Variants in UBE2H observed in about 807,000 individuals in gnomAD.
The protein encoded by UBE2H is ubiquitin conjugating enzyme E2 H.
UBE2H carries 3 observed loss-of-function variants against 29.0 expected under a neutral mutation model. The observed-to-expected ratio is 0.10, with a 90% CI of 0.05 to 0.27. UBE2H has a LOEUF of 0.27. UBE2H is among the 10% of genes least tolerant of loss of function. The pLI is 1.00. For synonymous variants in UBE2H, 69 were observed against 82.9 expected (o/e 0.83, Z 0.91); for missense variants, 68 against 228.2 (o/e 0.30, Z 4.52).
In UBE2H at chr7:129,831,238, T is replaced by C. The variant is rs1021588380; in HGVS notation, c.*3699A>G. The stretch of plus-strand genomic sequence containing the variant: ...TTCGTTGCGCCCAATCAGAGATAGA[T>C]GATTTCATTCAACAAGGCTGGAAGC... On this transcript the variant is annotated 3_prime_UTR_variant, in exon 7 of 7. Coordinates refer to ENST00000355621, the MANE Select transcript of UBE2H (RefSeq NM_003344.4). The C allele has an allele frequency of 9.2e-5, 14 of 152,224 alleles. No homozygotes were observed. Among genetic ancestry groups the C allele is most frequent in the African/African-American group, 3.4e-4 (14 of 41,474 alleles). The allele number at this position is 152,224 out of a possible 1,614,324, so 9.4% of individuals were successfully genotyped here.
In UBE2H at chr7:129,915,451, A is replaced by T. The variant is rs563770147; in HGVS notation, c.54-34480T>A. 3.9e-5 allele frequency among the ~76,000 whole-genome samples: 6 copies of T among 152,106 alleles called. No homozygotes were observed. The South Asian group carries it at 1.0e-3, about 26-fold the overall frequency. ...TGGGAGGCTGAGGCAGGAGAATGGC[A>T]TGAACCTGGGAGGCGGAGTTTGCAG... is the stretch of plus-strand genomic sequence containing the variant. On this transcript the variant is annotated intron_variant, in intron 1 of 6. Coordinates refer to ENST00000355621, the MANE Select transcript of UBE2H (RefSeq NM_003344.4).
chr7:129,841,548 T>G (rs1365409509), intron 5 of UBE2H, among the ~76,000 whole-genome samples: 1 of 152,212 alleles, frequency 6.6e-6, no homozygotes, highest in Non-Finnish European at 1.5e-5. Context: ...TAATTCTAAT[T>G]AAATTTAAAT....
At chr7:129,908,283 C>A (rs1335601836) in intron 1 of UBE2H, among the ~76,000 whole-genome samples, 1 of 152,174 alleles carries the variant, frequency 6.6e-6, no homozygotes, top group East Asian at 1.9e-4. Context: ...GAATAAGAAA[C>A]CTTTGTGTCT....
At chr7:129,841,370 G>A (rs934704799) in intron 5 of UBE2H, among the ~76,000 whole-genome samples, 1 of 152,326 alleles carries the variant, frequency 6.6e-6, no homozygotes. Context: ...AGGTTAAGAA[G>A]CTGAGCAGTT....
rs186262160 is a variant in UBE2H at position 129,937,222 on chromosome 7, G to A, written c.53+15281C>T. ...CAGGCACCTGTAGCCCCAGCTACTC[G>A]GAAGGCTGAGGCAGGAGAATGGCGT... is the stretch of plus-strand genomic sequence containing the variant. On this transcript the variant is annotated intron_variant, in intron 1 of 6. Coordinates refer to ENST00000355621, the MANE Select transcript of UBE2H (RefSeq NM_003344.4). Among the ~76,000 whole-genome samples, 70 of 151,572 alleles carry A rather than the reference G, an allele frequency of 4.6e-4. 1 individual carries two copies. The highest frequency in any genetic ancestry group is 8.0e-4 in the Non-Finnish European group (54 of 67,866).
At position 129,867,414 on chromosome 7, in the gene UBE2H, T is replaced by C. The variant is rs1483213121; in HGVS notation, c.206-8473A>G. On this transcript the variant is annotated intron_variant, in intron 3 of 6. Transcript: ENST00000355621. ...ATCCTTTGTAGGGACATGGATGAAA[T>C]TGGAAACCATCATTCTCAGTAAACT... 3.6e-5 allele frequency among the ~76,000 whole-genome samples: 5 copies of C among 138,206 alleles called. No individual in the cohort carries two copies. In the South Asian group the frequency reaches 7.4e-4, roughly 21 times the overall value. The allele number at this position is 138,206 out of a possible 152,430, so 90.7% of individuals were successfully genotyped here.
chr7:129,841,489 C>G (rs898812399), intron 5 of UBE2H, among the ~76,000 whole-genome samples: 2 of 152,190 alleles, frequency 1.3e-5, no homozygotes, highest in Non-Finnish European at 2.9e-5. Flanking sequence ...GGCTACTGAG[C>G]ACTCAAAATA....
chr7:129,881,907 C>A (rs924516085), intron 1 of UBE2H, among the ~76,000 whole-genome samples: 6 of 152,122 alleles, frequency 3.9e-5, no homozygotes, highest in African/African-American at 1.4e-4. Flanking sequence ...GTTAATGATA[C>A]AACCTTGCCA....
chr7:129,938,619 T>C lies in UBE2H; in HGVS notation c.53+13884A>G, dbSNP rs566418291. On this transcript the variant is annotated intron_variant, in intron 1 of 6. Coordinates refer to ENST00000355621, the MANE Select transcript of UBE2H (RefSeq NM_003344.4). ...TCCCAGCTACTCGATAGGCTGAGAA[T>C]TGTTTGAACCCGGGAGGCGGAGGTT... Among the ~76,000 whole-genome samples, 7 of 139,346 alleles carry C rather than the reference T, an allele frequency of 5.0e-5. No homozygotes were observed. The South Asian group carries it at 1.2e-3, about 23-fold the overall frequency. 91.4% of individuals were successfully genotyped at this position (139,346 alleles called of 152,430 possible).
At chr7:129,947,138 T>C (rs1471191182) in intron 1 of UBE2H, among the ~76,000 whole-genome samples, 1 of 152,230 alleles carries the variant, frequency 6.6e-6, no homozygotes, top group African/African-American at 2.4e-5. Flanking sequence ...CCCAAAAAGC[T>C]GAATTTTTAG....
At chr7:129,839,054 G>A (rs916247691) in intron 6 of UBE2H, 153 bp downstream of exon 6, 8 of 1,108,604 alleles carry the variant, frequency 7.2e-6, no homozygotes, top group South Asian at 3.3e-5. Flanking sequence ...ACTGCCACCC[G>A]AGGTTGGTGA....
Position 129,859,239 on chromosome 7 carries a change from T to G in UBE2H, c.206-298A>C, listed in dbSNP as rs111823606. ...GAAGGTACTGCTCAAAGATAAATTA[T>G]ACTACTAAATGGTTCATAGCCAGTG... On this transcript the variant is annotated intron_variant, in intron 3 of 6. Transcript: ENST00000355621. Among the ~76,000 whole-genome samples the G allele has an allele frequency of 1.6e-3, 249 of 152,326 alleles. 1 individual carries two copies. The highest frequency in any genetic ancestry group is 5.3e-3 in the African/African-American group (222 of 41,568).
At chr7:129,921,161 C>G (rs1344037851) in intron 1 of UBE2H, among the ~76,000 whole-genome samples, 3 of 152,000 alleles carry the variant, frequency 2.0e-5, no homozygotes, top group Non-Finnish European at 4.4e-5. Context: ...CAGCAGGTAC[C>G]ATTATTTTCT....
intron 1 of UBE2H, among the ~76,000 whole-genome samples, chr7:129,933,349 G>T (rs1807447487): frequency 6.6e-6 from 1 of 152,162 alleles, no homozygotes; most frequent in Non-Finnish European, 1.5e-5. Context: ...TTGTAAGGAG[G>T]AACTGGAAAC....
At chr7:129,938,913 C>T (rs1807587741) in intron 1 of UBE2H, among the ~76,000 whole-genome samples, 1 of 151,872 alleles carries the variant, frequency 6.6e-6, no homozygotes, top group East Asian at 1.9e-4. Flanking sequence ...ATTCTCCTGC[C>T]TCAGCCTCCC....
intron 1 of UBE2H, among the ~76,000 whole-genome samples, chr7:129,920,848 C>CAAAA (rs11347186): frequency 4.1e-5 from 3 of 73,980 alleles, no homozygotes; most frequent in East Asian, 4.8e-4. Flanking sequence ...TAGAAAAAGT[C>CAAAA]AAAAAAAAAA....
chr7:129,947,187 A>C lies in UBE2H; in HGVS notation c.53+5316T>G, dbSNP rs527409881. Reference sequence around the variant, plus strand: ...TTACTAGAACTGCACTGCAGGAATCAGATGTTCTGAAGCTGTGAATGCTTA... The same window carrying C: ...TTACTAGAACTGCACTGCAGGAATCCGATGTTCTGAAGCTGTGAATGCTTA... On this transcript the variant is annotated intron_variant, in intron 1 of 6. Coordinates refer to ENST00000355621, the MANE Select transcript of UBE2H (RefSeq NM_003344.4). Among the ~76,000 whole-genome samples the C allele has an allele frequency of 5.9e-5, 9 of 152,362 alleles. No individual in the cohort carries two copies. The South Asian group carries it at 1.7e-3, about 28-fold the overall frequency.
chr7:129,886,973 A>G (rs1256373912), intron 1 of UBE2H, among the ~76,000 whole-genome samples: 1 of 152,078 alleles, frequency 6.6e-6, no homozygotes, highest in East Asian at 1.9e-4. Context: ...AAGAAACAGT[A>G]GAGGGCCAGC....
chr7:129,907,860 G>T (rs954248542), intron 1 of UBE2H, among the ~76,000 whole-genome samples: 1 of 151,996 alleles, frequency 6.6e-6, no homozygotes, highest in Non-Finnish European at 1.5e-5. Flanking sequence ...ATACAGGCTG[G>T]AAAAAAAGTC....
Sources: allele counts gnomAD v4.1 joint callset (sites outside exome capture counted in the v4.1 genomes callset), GRCh38; gene constraint gnomAD v4.1.1; transcripts MANE v1.5; gene names NCBI Gene and HGNC (gene_info 2026-07-23, HGNC 2026-07-21).